Variants in CNTNAP2 observed in about 807,000 individuals in gnomAD.
The protein encoded by CNTNAP2 is contactin associated protein 2.
A neutral mutation model predicts 155.2 loss-of-function variants in CNTNAP2; 98 were observed. The observed-to-expected ratio is 0.63, with a 90% confidence interval of 0.54 to 0.75. The LOEUF is 0.75. CNTNAP2 is among the 30% of genes least tolerant of loss of function. CNTNAP2 has a pLI of 0.00. For missense variants in CNTNAP2, 1,727 were observed against 1,688.1 expected (o/e 1.02, Z -0.40); for synonymous variants, 651 against 631.2 (o/e 1.03, Z -0.47).
chr7:146,401,152 G>A (rs1010047261), intron 1 of CNTNAP2, among the ~76,000 whole-genome samples: 1 of 152,074 alleles, frequency 6.6e-6, no homozygotes, highest in African/African-American at 2.4e-5. Flanking sequence ...TAGTTTTCTT[G>A]AGTCTATATA....
chr7:147,839,192 C>T (rs892001120), intron 13 of CNTNAP2, among the ~76,000 whole-genome samples: 10 of 152,066 alleles, frequency 6.6e-5, no homozygotes, highest in African/African-American at 2.4e-4. Context: ...TAGATTGTAT[C>T]CACCCAGATT....
intron 18 of CNTNAP2, among the ~76,000 whole-genome samples, chr7:148,182,046 C>G (rs116232492): frequency 6.6e-6 from 1 of 150,664 alleles, no homozygotes; most frequent in Admixed American, 6.6e-5. Context: ...CGTGAGCCAC[C>G]GCGCCTGGCC....
At chr7:146,447,657 A>G (rs1796421234) in intron 1 of CNTNAP2, among the ~76,000 whole-genome samples, 1 of 151,982 alleles carries the variant, frequency 6.6e-6, no homozygotes. Flanking sequence ...CACCTGTGCT[A>G]TAAATTCAGG....
intron 17 of CNTNAP2, among the ~76,000 whole-genome samples, chr7:148,154,362 T>C (rs1354214041): frequency 6.6e-6 from 1 of 152,176 alleles, no homozygotes; most frequent in Non-Finnish European, 1.5e-5. Context: ...AATGGACGTA[T>C]AAGCAACTAC....
intron 1 of CNTNAP2, among the ~76,000 whole-genome samples, chr7:146,330,906 G>A (rs963009734): frequency 6.6e-6 from 1 of 152,150 alleles, no homozygotes; most frequent in Non-Finnish European, 1.5e-5. Context: ...ATTGTGATGA[G>A]GATTTCTGGA....
intron 13 of CNTNAP2, among the ~76,000 whole-genome samples, chr7:147,844,656 C>T (rs1252669735): frequency 3.5e-5 from 2 of 56,796 alleles, no homozygotes; most frequent in Admixed American, 2.7e-4. Flanking sequence ...TGAGAGAGGG[C>T]ATCCCTGTCT....
intron 3 of CNTNAP2, among the ~76,000 whole-genome samples, chr7:146,977,796 C>T (rs540389836): frequency 4.6e-5 from 7 of 152,190 alleles, no homozygotes; most frequent in Non-Finnish European, 7.4e-5. Flanking sequence ...AATGCCTTTG[C>T]GCTGTCTGAG....
chr7:146,639,115 G>A (rs62481815), intron 1 of CNTNAP2, among the ~76,000 whole-genome samples: 26,024 of 152,064 alleles, frequency 0.17, 2,826 homozygotes, highest in East Asian at 0.49. Flanking sequence ...ATTAGGCAGC[G>A]TAGGCTGTAT....
chr7:147,189,832 C>T (rs577230037), intron 8 of CNTNAP2, among the ~76,000 whole-genome samples: 106 of 152,128 alleles, frequency 7.0e-4, no homozygotes, highest in African/African-American at 2.5e-3. Flanking sequence ...GTAAGCTCCG[C>T]CCCCCAAGTT....
chr7:146,354,510 G>A (rs564118943), intron 1 of CNTNAP2, among the ~76,000 whole-genome samples: 10 of 150,992 alleles, frequency 6.6e-5, no homozygotes, highest in Admixed American at 3.3e-4. Flanking sequence ...CACCTCCCAG[G>A]TTCAGGTGAT....
At chr7:147,522,077 C>T (rs539446048) in intron 11 of CNTNAP2, among the ~76,000 whole-genome samples, 1 of 152,324 alleles carries the variant, frequency 6.6e-6, no homozygotes, top group African/African-American at 2.4e-5. Flanking sequence ...ATGGCACTCT[C>T]TCACAAGTGT....
At chr7:147,149,149 T>C (rs1801775603) in intron 8 of CNTNAP2, among the ~76,000 whole-genome samples, 2 of 152,170 alleles carry the variant, frequency 1.3e-5, no homozygotes, top group Non-Finnish European at 2.9e-5. Flanking sequence ...GTCCATTTTA[T>C]AGAGTGCTGA....
Position 148,366,048 on chromosome 7 carries a change from ATG to A in CNTNAP2, c.3476-17593_3476-17592del, listed in dbSNP as rs1219197623. Among the ~76,000 whole-genome samples the A allele has an allele frequency of 3.5e-3, 8 of 2,294 alleles. 4 individuals are homozygous for A. Among genetic ancestry groups the A allele is most frequent in the Admixed American group, 0.032 (4 of 126 alleles). 1.5% of individuals were successfully genotyped at this position (2,294 alleles called of 152,430 possible). On this transcript the variant is annotated intron_variant, in intron 21 of 23. Transcript: ENST00000361727. ...TGCATGTGTGTGTATGCATGTATGC[ATG>A]TGTGTGTATGCATGTATGCATGTAT...
chr7:146,946,652 T>A (rs545426676), intron 3 of CNTNAP2, among the ~76,000 whole-genome samples: 1 of 152,284 alleles, frequency 6.6e-6, no homozygotes, highest in African/African-American at 2.4e-5. Context: ...AAATCATGTA[T>A]AACTAGGCTC....
intron 1 of CNTNAP2, among the ~76,000 whole-genome samples, chr7:146,567,548 C>T (rs555571926): frequency 1.3e-5 from 2 of 152,150 alleles, no homozygotes; most frequent in Non-Finnish European, 2.9e-5. Flanking sequence ...TTTAGTTTTA[C>T]TTAAATTTGT....
intron 8 of CNTNAP2, among the ~76,000 whole-genome samples, chr7:147,235,500 T>C (rs190231723): frequency 1.2e-4 from 18 of 152,234 alleles, no homozygotes; most frequent in African/African-American, 4.3e-4. Context: ...CCTTGGCAAT[T>C]AGTATTTTTG....
intron 1 of CNTNAP2, among the ~76,000 whole-genome samples, chr7:146,511,248 T>G (rs542355598): frequency 2.0e-5 from 3 of 152,332 alleles, no homozygotes; most frequent in Admixed American, 1.3e-4. Flanking sequence ...AGTATTTTGA[T>G]TTCTTCATTC....
chr7:146,760,409 CTTTTTTTTTTTTTTTTTTTTTT>C (rs532820418), intron 1 of CNTNAP2, among the ~76,000 whole-genome samples: 1 of 56,276 alleles, frequency 1.8e-5, no homozygotes, highest in Admixed American at 2.7e-4. Context: ...TCCAATTTAC[CTTTTTTTTTTTTTTTTTTTTTT>C]TTTTTTTTTT....
At chr7:148,063,492 G>T (rs1803197068) in intron 15 of CNTNAP2, among the ~76,000 whole-genome samples, 1 of 150,566 alleles carries the variant, frequency 6.6e-6, no homozygotes, top group African/African-American at 2.4e-5. Context: ...TTTTATTTTG[G>T]ATAGTTTCTA....
Sources: allele counts gnomAD v4.1 joint callset (sites outside exome capture counted in the v4.1 genomes callset), GRCh38; gene constraint gnomAD v4.1.1; transcripts MANE v1.5; gene names NCBI Gene and HGNC (gene_info 2026-07-23, HGNC 2026-07-21).